The following DNAH7 variants were observed in gnomAD, a reference collection of about 807,000 sequenced individuals.
The protein encoded by DNAH7 is dynein axonemal heavy chain 7.
In DNAH7, 397 loss-of-function variants were observed where a neutral mutation model predicts 444.6. The observed-to-expected ratio is 0.89, with a 90% confidence interval of 0.82 to 0.97. The LOEUF is 0.97. Ranked by LOEUF, DNAH7 falls within the 50% of genes least tolerant of loss-of-function variation. The probability of loss-of-function intolerance (pLI) is 0.00; values close to 1 mark genes in which losing one functional copy is unlikely to be tolerated. For missense variants in DNAH7, 4,902 were observed against 4,800.8 expected (o/e 1.02, Z -0.62); for synonymous variants, 1,636 against 1,624.4 (o/e 1.01, Z -0.17).
At chr2:195,941,657 T>C (rs1689458788) in intron 19 of DNAH7, among the ~76,000 whole-genome samples, 1 of 152,138 alleles carries the variant, frequency 6.6e-6, no homozygotes, top group Non-Finnish European at 1.5e-5. Flanking sequence ...GGTAAATTTC[T>C]GGGAGCATAA....
In DNAH7 at chr2:195,910,083, CA is replaced by C; in HGVS notation, c.4047del (p.Cys1349TrpfsTer63). 6.2e-7 allele frequency: 1 copy of C among 1,613,924 alleles called. No individual in the cohort carries two copies. The highest frequency in any genetic ancestry group is 8.5e-7 in the Non-Finnish European group (1 of 1,179,880). ...AACCCATCAGAGCAGTTGAAAACAACACATTGTTTGGCTACAGCTTTTGCCA... is the reference window on the plus strand; with the variant it reads ...AACCCATCAGAGCAGTTGAAAACAACCATTGTTTGGCTACAGCTTTTGCCA... ...KDLAKAVAKQ[C>X]VVFNCSDGLD... On this transcript the variant is annotated frameshift_variant, in exon 25 of 65. Coordinates refer to ENST00000312428, the MANE Select transcript of DNAH7 (RefSeq NM_018897.3). LOFTEE classifies it high-confidence loss of function.
intron 46 of DNAH7, among the ~76,000 whole-genome samples, chr2:195,846,636 T>A (rs956416848): frequency 6.6e-6 from 1 of 152,116 alleles, no homozygotes; most frequent in Non-Finnish European, 1.5e-5. Context: ...GAGGGTGTTG[T>A]CAAAGGAGAT....
At chr2:195,911,047 C>T in intron 24 of DNAH7, among the ~76,000 whole-genome samples, 1 of 152,134 alleles carries the variant, frequency 6.6e-6, no homozygotes, top group Non-Finnish European at 1.5e-5. Flanking sequence ...TGACAACATG[C>T]AAGACTGCAT....
chr2:195,750,931 A>G (rs1263309293), intron 63 of DNAH7, among the ~76,000 whole-genome samples: 2 of 152,162 alleles, frequency 1.3e-5, no homozygotes, highest in African/African-American at 4.8e-5. Context: ...TTATCTAACT[A>G]TACTTTTAAT....
intron 2 of DNAH7, among the ~76,000 whole-genome samples, chr2:196,054,013 G>C (rs1219128172): frequency 1.3e-5 from 2 of 152,126 alleles, no homozygotes; most frequent in African/African-American, 4.8e-5. Context: ...TGTGAGCAAG[G>C]CCTAATCTTT....
At chr2:195,844,686 T>C (rs1182292296) in intron 47 of DNAH7, among the ~76,000 whole-genome samples, 1 of 152,156 alleles carries the variant, frequency 6.6e-6, no homozygotes, top group Non-Finnish European at 1.5e-5. Context: ...TAACCTCTAA[T>C]AACAAAACCC....
intron 27 of DNAH7, 74 bp downstream of exon 27, chr2:195,906,585 C>T (rs774362227): frequency 5.0e-5 from 73 of 1,460,352 alleles, no homozygotes; most frequent in Non-Finnish European, 5.9e-5. Flanking sequence ...TTAGCCACCA[C>T]GCCCAGCTCT....
intron 58 of DNAH7, among the ~76,000 whole-genome samples, chr2:195,781,812 A>G (rs1233860581): frequency 2.6e-5 from 4 of 152,150 alleles, no homozygotes; most frequent in Non-Finnish European, 5.9e-5. Flanking sequence ...ATAAATATGT[A>G]CACTATAATA....
chr2:195,951,525 A>G (rs1690257161), intron 19 of DNAH7, among the ~76,000 whole-genome samples: 1 of 151,940 alleles, frequency 6.6e-6, no homozygotes, highest in Non-Finnish European at 1.5e-5. Flanking sequence ...GATCTGTCTA[A>G]TACTGTGGGG....
intron 63 of DNAH7, among the ~76,000 whole-genome samples, 178 bp downstream of exon 63, chr2:195,754,159 C>G (rs1265475061): frequency 6.6e-6 from 1 of 152,202 alleles, no homozygotes; most frequent in African/African-American, 2.4e-5. Flanking sequence ...CTCTTTCTCT[C>G]TCTTTCCACC....
At position 195,906,746 on chromosome 2, in the gene DNAH7, A is replaced by C; in HGVS notation, c.4248T>G (p.Thr1416=). 6.2e-7 allele frequency: 1 copy of C among 1,613,522 alleles called. No homozygotes were observed. The highest frequency in any genetic ancestry group is 8.5e-7 in the Non-Finnish European group (1 of 1,179,610). ...AGADILMFEG[T]ELKLDPTCAV... ...CACATGTGGGGTCAAGTTTTAGTTCAGTTCCTTCAAACATCAGTATATCAG... is the reference window on the plus strand; with the variant it reads ...CACATGTGGGGTCAAGTTTTAGTTCCGTTCCTTCAAACATCAGTATATCAG... The change falls in exon 27 of 65, where the codon ACT becomes ACG. Residue 1416 remains threonine, a synonymous_variant. Coordinates refer to ENST00000312428, the MANE Select transcript of DNAH7 (RefSeq NM_018897.3).
At chr2:195,921,768 G>C (rs1294780823) in intron 24 of DNAH7, among the ~76,000 whole-genome samples, 2 of 152,082 alleles carry the variant, frequency 1.3e-5, no homozygotes, top group African/African-American at 4.8e-5. Context: ...ATTTTAAAAA[G>C]AAAATTCAGT....
intron 5 of DNAH7, among the ~76,000 whole-genome samples, chr2:196,033,528 A>T (rs960982470): frequency 1.3e-5 from 2 of 152,198 alleles, no homozygotes; most frequent in Non-Finnish European, 2.9e-5. Flanking sequence ...ATTTTAGATT[A>T]AACATATGAG....
At chr2:195,803,942 T>C (rs1472247431) in intron 54 of DNAH7, among the ~76,000 whole-genome samples, 1 of 152,172 alleles carries the variant, frequency 6.6e-6, no homozygotes, top group African/African-American at 2.4e-5. Context: ...GCCCATCTCA[T>C]TTTTTCTACT....
Position 195,895,070 on chromosome 2 carries a change from A to G in DNAH7, c.4802T>C (p.Val1601Ala). 6.2e-7 allele frequency: 1 copy of G among 1,613,582 alleles called. No individual in the cohort carries two copies. The highest frequency in any genetic ancestry group is 8.5e-7 in the Non-Finnish European group (1 of 1,179,666). ...KILQVYEMMI[V>A]RHGFMIVGEP... ...TCCAACAATCATAAAACCATGACGC[A>G]CAATCATCATTTCATATACTTGAAG... The change falls in exon 30 of 65, where the codon GTG becomes GCG. Residue 1601 changes from valine to alanine, a missense_variant. Val to Ala is a moderately conservative substitution (Grantham distance 64). Coordinates refer to ENST00000312428, the MANE Select transcript of DNAH7 (RefSeq NM_018897.3).
Position 195,864,525 on chromosome 2 carries a change from T to C in DNAH7, c.7130A>G (p.His2377Arg), listed in dbSNP as rs1700204078. The change falls in exon 41 of 65, where the codon CAT becomes CGT. Residue 2377 changes from histidine to arginine, a missense_variant. By Grantham distance (29) the His-to-Arg change is conservative. Transcript: ENST00000312428. Reference sequence around the variant, plus strand: ...CCTTAAGATCACTTTTAAATCTTCATGCCATTCAGTAGTATCATACCCCTT... The same window carrying C: ...CCTTAAGATCACTTTTAAATCTTCACGCCATTCAGTAGTATCATACCCCTT... ...ISKGYDTTEW[H>R]EDLKVILRKC... 2.5e-6 allele frequency: 4 copies of C among 1,614,204 alleles called. No individual in the cohort carries two copies. The South Asian group carries it at 3.3e-5, about 13-fold the overall frequency.
At position 195,858,621 on chromosome 2, in the gene DNAH7, A is replaced by C; in HGVS notation, c.7920T>G (p.Thr2640=). ...TTTCATCAGCTTTCACTATTTTTTC[A>C]GTTTTGGCAACTTCTACAGACTCTT... ...IEKESVEVAK[T]EKIVKADETI... is the part of the protein sequence containing the mutation. Residue 2640 remains threonine, a synonymous_variant, in exon 43 of 65, where the codon ACT becomes ACG. Transcript: ENST00000312428. 1 of 1,613,932 alleles carries C rather than the reference A, an allele frequency of 6.2e-7. No homozygotes were observed. The highest frequency in any genetic ancestry group is 8.5e-7 in the Non-Finnish European group (1 of 1,179,926).
At chr2:195,991,560 T>C (rs1409869812) in intron 12 of DNAH7, among the ~76,000 whole-genome samples, 1 of 152,254 alleles carries the variant, frequency 6.6e-6, no homozygotes, top group African/African-American at 2.4e-5. Context: ...TTGCTATTTT[T>C]GTACAAAATT....
At position 195,970,033 on chromosome 2, in the gene DNAH7, T is replaced by C. The variant is rs751874043; in HGVS notation, c.2120A>G (p.Tyr707Cys). The C allele has an allele frequency of 3.1e-6, 5 of 1,613,076 alleles. No individual in the cohort carries two copies. In the East Asian group the frequency reaches 1.1e-4, roughly 36 times the overall value. Reference sequence around the variant, plus strand: ...AACATCCTGAAGATCTCCAAATGAATAAAATTCTTCTGATTGCTTAGCATA... The same window carrying C: ...AACATCCTGAAGATCTCCAAATGAACAAAATTCTTCTGATTGCTTAGCATA... ...ESYAKQSEEF[Y>C]SFGDLQDVQR... The change falls in exon 17 of 65, where the codon TAT becomes TGT. Residue 707 changes from tyrosine (Y) to cysteine (C), a missense_variant. Physicochemically the swap from Tyr to Cys is radical, Grantham distance 194. Transcript: ENST00000312428.
Sources: allele counts gnomAD v4.1 joint callset (sites outside exome capture counted in the v4.1 genomes callset), GRCh38; gene constraint gnomAD v4.1.1; transcripts MANE v1.5; gene names NCBI Gene and HGNC (gene_info 2026-07-23, HGNC 2026-07-21).